The following CBX6 variants were observed in gnomAD, a reference collection of about 807,000 sequenced individuals.
CBX6 encodes chromobox protein homolog 6.
In CBX6, 7 loss-of-function variants were observed where a neutral mutation model predicts 28.4. The ratio of observed to expected loss-of-function variants is 0.25; its 90% confidence interval spans 0.14 to 0.46. The LOEUF is 0.46. CBX6 is among the 20% of genes least tolerant of loss of function. CBX6 has a pLI of 0.99. For missense variants in CBX6, 512 were observed against 606.1 expected (o/e 0.84, Z 1.63); for synonymous variants, 297 against 273.4 (o/e 1.09, Z -0.85).
rs1568992843 is a variant in CBX6, at chr22:38,862,538, AAAAAAAAGAAAG to A, written c.*3659_*3670del. ...AAGTGCAAAAAAAAAAAAAAAAAAA[AAAAAAAAGAAAG>A]AAAGAAAAAAGAAAAACAAAAGAAA... On this transcript the variant is annotated 3_prime_UTR_variant, in exon 5 of 5. Transcript: ENST00000407418. The A allele has an allele frequency of 6.7e-6, 1 of 148,462 alleles. No individual in the cohort carries two copies. The highest frequency in any genetic ancestry group is 1.5e-5 in the Non-Finnish European group (1 of 66,830). The allele number at this position is 148,462 out of a possible 1,614,324, so 9.2% of individuals were successfully genotyped here. A position where few individuals can be genotyped will look rare whatever the true frequency, so the allele number is the denominator to read the frequency against.
chr22:38,868,472 C>T (rs1478854111), intron 4 of CBX6, among the ~76,000 whole-genome samples: 1 of 152,218 alleles, frequency 6.6e-6, no homozygotes, highest in Non-Finnish European at 1.5e-5. Context: ...GTTCCAGAGG[C>T]TGCGGTGGCC....
chr22:38,871,784 A>G lies in CBX6; in HGVS notation c.114-27T>C, dbSNP rs2093182906. ...TGCCGAGTCACAAACGCACAAAATC[A>G]GGATGAAGACCAGAGAGGGACAGGC... On this transcript the variant is annotated intron_variant, in intron 2 of 4. Transcript: ENST00000407418. The surrounding 1 kb of genome is among the most constrained non-coding windows in gnomAD (Gnocchi z 5.6). 4 of 1,603,632 alleles carry G rather than the reference A, an allele frequency of 2.5e-6. No homozygotes were observed. The highest frequency in any genetic ancestry group is 3.4e-6 in the Non-Finnish European group (4 of 1,173,414).
chr22:38,867,293 C>T (rs2093173099), intron 4 of CBX6, 92 bp from the exon 5 acceptor site: 2 of 1,124,238 alleles, frequency 1.8e-6, no homozygotes. Context: ...AGTAGAGCCT[C>T]TCAGCCAGCG....
rs946111348 is a variant in CBX6, at chr22:38,871,819, G to A, written c.114-62C>T. The A allele has an allele frequency of 6.3e-7, 1 of 1,585,392 alleles. No homozygotes were observed. Among genetic ancestry groups the A allele is most frequent in the Non-Finnish European group, 8.6e-7 (1 of 1,163,298 alleles). On this transcript the variant is annotated intron_variant, in intron 2 of 4. Transcript: ENST00000407418. This position sits in a 1 kb window ranked among gnomAD's most constrained non-coding sequence, Gnocchi z 5.6. Reference sequence around the variant, plus strand: ...CCAGAGAGGGACAGGCACGCGGCGAGAGCAAGAGCGCGCACCCCCACCCCA... The same window carrying A: ...CCAGAGAGGGACAGGCACGCGGCGAAAGCAAGAGCGCGCACCCCCACCCCA...
At position 38,866,791 on chromosome 22, in the gene CBX6, G is replaced by A. The variant is rs1269780588; in HGVS notation, c.657C>T (p.Val219=). 1.2e-6 allele frequency: 2 copies of A among 1,612,640 alleles called. No homozygotes were observed. Among genetic ancestry groups the A allele is most frequent in the Non-Finnish European group, 1.7e-6 (2 of 1,179,450 alleles). The change falls in exon 5 of 5, where the codon GTC becomes GTT. Residue 219 remains valine (V), a synonymous_variant. Transcript: ENST00000407418. The surrounding 1 kb of genome is among the most constrained non-coding windows in gnomAD (Gnocchi z 7.5). ...IGKSKKFSES[V]LRTQIRHMKF... ...TCATGTGGCGGATCTGTGTACGCAG[G>A]ACGCTCTCGCTGAACTTCTTGCTCT...
At chr22:38,869,942 C>T (rs75669875) in intron 4 of CBX6, 270 of 152,354 alleles carry the variant, frequency 1.8e-3, no homozygotes, top group African/African-American at 6.2e-3. Context: ...AGCCCCAGAA[C>T]AATGTGTTCA....
In CBX6 at chr22:38,866,725, G is replaced by T. The variant is rs201157160; in HGVS notation, c.723C>A (p.Pro241=). 25 of 1,589,760 alleles carry T rather than the reference G, an allele frequency of 1.6e-5. No individual in the cohort carries two copies. The highest frequency in any genetic ancestry group is 2.2e-5 in the East Asian group (1 of 44,506). ...CCTTGCCGGGGGACGGGGCTACCAGGGGGGCGGGCGGAGGCTTGTACAGCG... is the reference window on the plus strand; with the variant it reads ...CCTTGCCGGGGGACGGGGCTACCAGTGGGGCGGGCGGAGGCTTGTACAGCG... ...AFALYKPPPA[P]LVAPSPGKAE... The change falls in exon 5 of 5, where the codon CCC becomes CCA. Residue 241 remains proline, a synonymous_variant. Transcript: ENST00000407418. The surrounding 1 kb of genome is among the most constrained non-coding windows in gnomAD (Gnocchi z 7.5).
At chr22:38,867,939 G>A (rs2093174493) in intron 4 of CBX6, among the ~76,000 whole-genome samples, 1 of 152,238 alleles carries the variant, frequency 6.6e-6, no homozygotes, top group African/African-American at 2.4e-5. Context: ...AAGTGGGCCC[G>A]ACCACTGCCT....
chr22:38,862,685 C>G lies in CBX6; in HGVS notation c.*3524G>C, dbSNP rs568100791. On this transcript the variant is annotated 3_prime_UTR_variant, in exon 5 of 5. Coordinates refer to ENST00000407418, the MANE Select transcript of CBX6 (RefSeq NM_014292.5). ...GCCAGAGAGGCTGGTAGCAGTCCAG[C>G]CCCCTGGCCAACCCAGCTCCCTGTT... 8 of 152,368 alleles carry G rather than the reference C, an allele frequency of 5.3e-5. No individual in the cohort carries two copies. In the East Asian group the frequency reaches 1.4e-3, roughly 26 times the overall value. 9.4% of individuals were successfully genotyped at this position (152,368 alleles called of 1,614,324 possible). A position where few individuals can be genotyped will look rare whatever the true frequency, so the allele number is the denominator to read the frequency against.
chr22:38,867,302 C>A (rs2093173110), intron 4 of CBX6, 101 bp from the exon 5 acceptor site: 1 of 1,015,630 alleles, frequency 9.8e-7, no homozygotes, highest in Non-Finnish European at 1.4e-6. Context: ...TCTCAGCCAG[C>A]GATCCCGAGA....
rs547121879 is a variant in CBX6 at position 38,870,543 on chromosome 22, G to C, written c.246+937C>G. ...TAGGATGTGCGTCGCTTGAGGGTGG[G>C]GGTTATAAAAATATGAAATTCTGGA... is the stretch of plus-strand genomic sequence containing the variant. On this transcript the variant is annotated intron_variant, in intron 4 of 4. Transcript: ENST00000407418. This position sits in a 1 kb window ranked among gnomAD's most constrained non-coding sequence, Gnocchi z 4.3. 6.6e-6 allele frequency: 1 copy of C among 152,308 alleles called. No homozygotes were observed. The highest frequency in any genetic ancestry group is 2.1e-4 in the South Asian group (1 of 4,830). The allele number at this position is 152,308 out of a possible 1,614,324, so 9.4% of individuals were successfully genotyped here. A position where few individuals can be genotyped will look rare whatever the true frequency, so the allele number is the denominator to read the frequency against.
chr22:38,867,146 G>A lies in CBX6; in HGVS notation c.302C>T (p.Pro101Leu). ...CTTGGGCGAGGAGGCACTGGCGCTC[G>A]GCTTGACAGAGAAATGCACATCACT... ...RISDVHFSVK[P>L]SASASSPKLH... The change falls in exon 5 of 5, where the codon CCG (proline) becomes CTG (leucine). Residue 101 changes from proline (P) to leucine (L), a missense_variant. Physicochemically the swap from Pro to Leu is moderately conservative, Grantham distance 98 (BLOSUM62 -3). Around this residue, in one of 7 missense-constraint regions of CBX6, gnomAD observed 123 missense variants for 138.1 expected, o/e 0.89. Transcript: ENST00000407418. 1 of 1,567,184 alleles carries A rather than the reference G, an allele frequency of 6.4e-7. No individual in the cohort carries two copies.
rs2093159707 is a variant in CBX6, at chr22:38,862,535, A to T, written c.*3674T>A. The T allele has an allele frequency of 1.3e-5, 2 of 148,376 alleles. No homozygotes were observed. Among genetic ancestry groups the T allele is most frequent in the African/African-American group, 4.9e-5 (2 of 40,742 alleles). 9.2% of individuals were successfully genotyped at this position (148,376 alleles called of 1,614,324 possible). A position where few individuals can be genotyped will look rare whatever the true frequency, so the allele number is the denominator to read the frequency against. On this transcript the variant is annotated 3_prime_UTR_variant, in exon 5 of 5. Coordinates refer to ENST00000407418, the MANE Select transcript of CBX6 (RefSeq NM_014292.5). ...GCGAAGTGCAAAAAAAAAAAAAAAA[A>T]AAAAAAAAAAGAAAGAAAGAAAAAA...
In CBX6 at chr22:38,872,206, C is replaced by G. The variant is rs757419554; in HGVS notation, c.-16G>C. ...ACAGCTCCATCTTGCTCAGCGGCACCCACAGCCCATAATACTCCCTGCGCC... is the reference window on the plus strand; with the variant it reads ...ACAGCTCCATCTTGCTCAGCGGCACGCACAGCCCATAATACTCCCTGCGCC... On this transcript the variant is annotated 5_prime_UTR_variant, in exon 1 of 5. Transcript: ENST00000407418. This position sits in a 1 kb window ranked among gnomAD's most constrained non-coding sequence, Gnocchi z 5.0. The G allele has an allele frequency of 2.9e-6, 4 of 1,381,446 alleles. No homozygotes were observed. In the Admixed American group the frequency reaches 9.5e-5, roughly 33 times the overall value. 85.6% of individuals were successfully genotyped at this position (1,381,446 alleles called of 1,614,324 possible). A position where few individuals can be genotyped will look rare whatever the true frequency, so the allele number is the denominator to read the frequency against.
In CBX6 at chr22:38,871,417, C is replaced by A. The variant is rs776765363; in HGVS notation, c.246+63G>T. ...CGCGTATCTGTCCCTCCCTTCCAGG[C>A]CCCGTGCTGTGCCGGGGCTGGGGGC... is the stretch of plus-strand genomic sequence containing the variant. On this transcript the variant is annotated intron_variant, in intron 4 of 4. Coordinates refer to ENST00000407418, the MANE Select transcript of CBX6 (RefSeq NM_014292.5). The surrounding 1 kb of genome is among the most constrained non-coding windows in gnomAD (Gnocchi z 5.6). 18 of 1,503,294 alleles carry A rather than the reference C, an allele frequency of 1.2e-5. No individual in the cohort carries two copies. The African/African-American group carries it at 2.1e-4, about 17-fold the overall frequency. 93.1% of individuals were successfully genotyped at this position (1,503,294 alleles called of 1,614,324 possible). A position where few individuals can be genotyped will look rare whatever the true frequency, so the allele number is the denominator to read the frequency against.
Position 38,866,760 on chromosome 22 carries a change from C to G in CBX6, c.688G>C (p.Gly230Arg), listed in dbSNP as rs772372086. 4 of 1,611,016 alleles carry G rather than the reference C, an allele frequency of 2.5e-6. No individual in the cohort carries two copies. Among genetic ancestry groups the G allele is most frequent in the Non-Finnish European group, 3.4e-6 (4 of 1,178,674 alleles). Reference sequence around the variant, plus strand: ...GGAGGCTTGTACAGCGCAAAGGCGCCGAACTTCATGTGGCGGATCTGTGTA... The same window carrying G: ...GGAGGCTTGTACAGCGCAAAGGCGCGGAACTTCATGTGGCGGATCTGTGTA... ...LRTQIRHMKF[G>R]AFALYKPPPA... The change falls in exon 5 of 5, where the codon GGC becomes CGC. Residue 230 changes from glycine to arginine, a missense_variant. This residue lies in a region of CBX6 where 290 missense variants were observed against 274.1 expected (regional missense o/e 1.06). Coordinates refer to ENST00000407418, the MANE Select transcript of CBX6 (RefSeq NM_014292.5). This position sits in a 1 kb window ranked among gnomAD's most constrained non-coding sequence, Gnocchi z 7.5.
At chr22:38,868,375 T>G (rs57111082) in intron 4 of CBX6, among the ~76,000 whole-genome samples, 4,605 of 152,222 alleles carry the variant, frequency 0.03, 235 homozygotes, top group African/African-American at 0.11. Flanking sequence ...GACCCCAGGC[T>G]TGGAGAATGA....
At position 38,871,423 on chromosome 22, in the gene CBX6, G is replaced by T; in HGVS notation, c.246+57C>A. 1 of 1,508,360 alleles carries T rather than the reference G, an allele frequency of 6.6e-7. No individual in the cohort carries two copies. The highest frequency in any genetic ancestry group is 9.0e-7 in the Non-Finnish European group (1 of 1,105,016). 93.4% of individuals were successfully genotyped at this position (1,508,360 alleles called of 1,614,324 possible). ...TCTGTCCCTCCCTTCCAGGCCCCGT[G>T]CTGTGCCGGGGCTGGGGGCCCGAGA... On this transcript the variant is annotated intron_variant, in intron 4 of 4. Transcript: ENST00000407418. The surrounding 1 kb of genome is among the most constrained non-coding windows in gnomAD (Gnocchi z 5.6).
chr22:38,872,064 G>A lies in CBX6; in HGVS notation c.69+58C>T, dbSNP rs1031026291. 1.2e-5 allele frequency: 15 copies of A among 1,282,692 alleles called. No homozygotes were observed. The African/African-American group carries it at 2.4e-4, about 20-fold the overall frequency. The allele number at this position is 1,282,692 out of a possible 1,614,324, so 79.5% of individuals were successfully genotyped here. ...CTAGCGGGACCGCTTCGCCCCGAGGGCCCCCGGCCCCGGCCCCGGCTGCGG... is the reference window on the plus strand; with the variant it reads ...CTAGCGGGACCGCTTCGCCCCGAGGACCCCCGGCCCCGGCCCCGGCTGCGG... On this transcript the variant is annotated intron_variant, in intron 1 of 4. Coordinates refer to ENST00000407418, the MANE Select transcript of CBX6 (RefSeq NM_014292.5). The surrounding 1 kb of genome is among the most constrained non-coding windows in gnomAD (Gnocchi z 5.0).
Sources: allele counts gnomAD v4.1 joint callset (sites outside exome capture counted in the v4.1 genomes callset), GRCh38; gene constraint gnomAD v4.1.1; regional missense constraint gnomAD v4.1.1; non-coding constraint Gnocchi (gnomAD v3.1); transcripts MANE v1.5; gene names NCBI Gene and HGNC (gene_info 2026-07-23, HGNC 2026-07-21).